Variants in VPS37A observed in about 807,000 individuals in gnomAD.
The protein encoded by VPS37A is VPS37A subunit of ESCRT-I.
VPS37A carries 30 observed loss-of-function variants against 49.8 expected under a neutral mutation model. That is an observed-to-expected ratio of 0.60 (90% CI 0.45 to 0.82). The LOEUF (loss-of-function observed/expected upper bound fraction) is 0.82, where lower values mean the gene tolerates loss of function less well. Among genes scored for constraint, VPS37A ranks in the 40% least tolerant of loss-of-function variants. The probability of loss-of-function intolerance (pLI) is 0.00; values close to 1 mark genes in which losing one functional copy is unlikely to be tolerated. For missense variants in VPS37A, 593 were observed against 464.4 expected (o/e 1.28, Z -2.55); for synonymous variants, 195 against 160.6 (o/e 1.21, Z -1.62).
intron 4 of VPS37A, among the ~76,000 whole-genome samples, chr8:17,271,545 G>C (rs916099080): frequency 5.3e-5 from 8 of 152,112 alleles, no homozygotes; most frequent in Non-Finnish European, 8.8e-5. Flanking sequence ...GGAAGAGCTT[G>C]CAGTGAGCCG....
intron 4 of VPS37A, among the ~76,000 whole-genome samples, chr8:17,273,394 A>C (rs913341006): frequency 5.9e-5 from 9 of 152,066 alleles, no homozygotes; most frequent in African/African-American, 2.2e-4. Flanking sequence ...GTTCCTATAC[A>C]ATCCCTATTT....
At chr8:17,311,406 A>G in the VPS37A span, 5 of 1,488,446 alleles carry the variant, frequency 3.4e-6, no homozygotes, top group African/African-American at 7.0e-5. Context: ...TACTAAAAGA[A>G]AAATAATGCT....
chr8:17,328,282 C>T, the VPS37A span, among the ~76,000 whole-genome samples: 6 of 152,152 alleles, frequency 3.9e-5, no homozygotes, highest in Non-Finnish European at 8.8e-5. Flanking sequence ...GCAAGTAACT[C>T]CATACACCTT....
chr8:17,331,364 C>T, the VPS37A span: 1 of 1,378,294 alleles, frequency 7.3e-7, no homozygotes, highest in South Asian at 1.5e-5. Flanking sequence ...TCATGGATAC[C>T]CAATCAAAGC....
downstream of VPS37A, chr8:17,299,907 A>ACTAT (rs1423123441): frequency 1.9e-6 from 3 of 1,614,116 alleles, no homozygotes; most frequent in Non-Finnish European, 8.5e-7. Context: ...GGTCCTTGCC[A>ACTAT]CTATCTTCAC....
At chr8:17,276,850 A>G in intron 6 of VPS37A, among the ~76,000 whole-genome samples, 1 of 152,184 alleles carries the variant, frequency 6.6e-6, no homozygotes, top group Non-Finnish European at 1.5e-5. Context: ...ATATAGAGAA[A>G]TAAAGTTATA....
downstream of VPS37A, chr8:17,300,113 T>G (rs1343791381): frequency 1.2e-6 from 2 of 1,613,794 alleles, no homozygotes; most frequent in East Asian, 4.5e-5. Flanking sequence ...TCCTGGGGAG[T>G]GTTGGCTATG....
intron 10 of VPS37A, among the ~76,000 whole-genome samples, chr8:17,284,939 G>A (rs918461212): frequency 1.3e-5 from 2 of 152,130 alleles, no homozygotes; most frequent in Non-Finnish European, 2.9e-5. Flanking sequence ...AAATGAGAGT[G>A]AGGGCCTGTA....
At chr8:17,308,491 T>G in the VPS37A span, among the ~76,000 whole-genome samples, 2 of 152,210 alleles carry the variant, frequency 1.3e-5, no homozygotes, top group African/African-American at 4.8e-5. Context: ...TACAAAAATA[T>G]ACTTGAGCAG....
At chr8:17,312,345 C>G in the VPS37A span, among the ~76,000 whole-genome samples, 2 of 152,020 alleles carry the variant, frequency 1.3e-5, no homozygotes, top group African/African-American at 2.4e-5. Context: ...GAGGCCGTGG[C>G]GGGTGGATCA....
chr8:17,268,508 A>T (rs1000567759), intron 3 of VPS37A, 136 bp downstream of exon 3: 3 of 645,072 alleles, frequency 4.7e-6, no homozygotes, highest in Non-Finnish European at 7.7e-6. Flanking sequence ...AATATTTAAG[A>T]CTACGCCTTA....
rs568945959 is a variant in VPS37A, at chr8:17,295,628, T to A, written c.*642T>A. ...TTAAGAAGCAATACAAGTAAATATT[T>A]TACCTAATAGGAAAAAAAAAAGTTG... On this transcript the variant is annotated 3_prime_UTR_variant, in exon 12 of 12. Transcript: ENST00000324849. The A allele has an allele frequency of 6.6e-6, 1 of 152,652 alleles. No homozygotes were observed. Among genetic ancestry groups the A allele is most frequent in the East Asian group, 1.9e-4 (1 of 5,186 alleles). 9.5% of individuals were successfully genotyped at this position (152,652 alleles called of 1,614,324 possible). A position where few individuals can be genotyped will look rare whatever the true frequency, so the allele number is the denominator to read the frequency against.
downstream of VPS37A, chr8:17,298,524 G>T (rs563313007): frequency 2.0e-5 from 3 of 151,966 alleles, no homozygotes; most frequent in African/African-American, 7.3e-5. Flanking sequence ...TCATTTCAGC[G>T]AAATGTAATA....
At chr8:17,279,079 C>T (rs946328556) in intron 6 of VPS37A, among the ~76,000 whole-genome samples, 1 of 152,080 alleles carries the variant, frequency 6.6e-6, no homozygotes, top group Non-Finnish European at 1.5e-5. Flanking sequence ...TACATAAACA[C>T]ACATAAACAT....
chr8:17,323,867 C>T, the VPS37A span, among the ~76,000 whole-genome samples: 1 of 152,164 alleles, frequency 6.6e-6, no homozygotes, highest in African/African-American at 2.4e-5. Context: ...CATTTTGAAG[C>T]TCTCCTAGTT....
chr8:17,247,524 GC>G, intron 1 of VPS37A, 155 bp downstream of exon 1: 2 of 1,068,340 alleles, frequency 1.9e-6, no homozygotes, highest in East Asian at 2.6e-5. Flanking sequence ...TGCCACTCCT[GC>G]CCCCTTTTAC....
downstream of VPS37A, chr8:17,300,375 G>C: frequency 1.3e-6 from 1 of 796,452 alleles, no homozygotes; most frequent in Non-Finnish European, 1.9e-6. Flanking sequence ...TGGACTTCAC[G>C]ACCTTGGACA....
Position 17,268,974 on chromosome 8 carries a change from A to G in VPS37A, c.416+18A>G, listed in dbSNP as rs373719008. On this transcript the variant is annotated intron_variant, in intron 4 of 11. Transcript: ENST00000324849. ...TTTCCTTAGTAAGTATATTTCTAGT[A>G]AATAAAAAAGTCTGCCTGTATTTTA... 6.5e-7 allele frequency: 1 copy of G among 1,532,290 alleles called. No homozygotes were observed. Among genetic ancestry groups the G allele is most frequent in the African/African-American group, 1.4e-5 (1 of 72,004 alleles). The allele number at this position is 1,532,290 out of a possible 1,614,324, so 94.9% of individuals were successfully genotyped here.
intron 11 of VPS37A, among the ~76,000 whole-genome samples, chr8:17,292,876 C>A (rs999140279): frequency 6.6e-6 from 1 of 152,220 alleles, no homozygotes; most frequent in Non-Finnish European, 1.5e-5. Context: ...TTTTCTCTGG[C>A]TGCCCTTAAC....
Sources: gnomAD v4.1 joint callset for allele counts (sites outside exome capture counted in the v4.1 genomes callset) on GRCh38, gnomAD v4.1.1 for gene constraint, MANE v1.5 for transcripts, NCBI Gene and HGNC (gene_info 2026-07-23, HGNC 2026-07-21) for gene names.